MAP3K15: variants seen among roughly 807,000 people sequenced by gnomAD.
MAP3K15 encodes the protein MAPK/ERK kinase kinase 15.
MAP3K15 carries 124 observed loss-of-function variants against 99.5 expected under a neutral mutation model. That is an observed-to-expected ratio of 1.25 (90% CI 1.08 to 1.45). The LOEUF (loss-of-function observed/expected upper bound fraction) is 1.45. Among genes scored for constraint, MAP3K15 ranks in the 40% most tolerant of loss-of-function variants. The probability of loss-of-function intolerance (pLI) is 0.00; values close to 1 mark genes in which losing one functional copy is unlikely to be tolerated. For synonymous variants in MAP3K15, 494 were observed against 439.6 expected, an observed-to-expected ratio of 1.12 and a Z score of -1.55; for missense variants, 1,242 against 1,079.7, an observed-to-expected ratio of 1.15 and a Z score of -2.11.
intron 6 of MAP3K15, among the ~76,000 whole-genome samples, chrX:19,443,653 C>T (rs1024658440): frequency 2.7e-5 from 3 of 111,675 alleles, no homozygotes; most frequent in Non-Finnish European, 5.6e-5. Context: ...AATGAGGGAA[C>T]GAGTATTCTG....
chrX:19,444,507 G>T (rs981192357), intron 6 of MAP3K15, among the ~76,000 whole-genome samples: 1 of 111,126 alleles, frequency 9.0e-6, no homozygotes. Flanking sequence ...GCTCAATCAC[G>T]CATTAAAAAA....
intron 14 of MAP3K15, among the ~76,000 whole-genome samples, chrX:19,399,243 A>G (rs1458692219): frequency 2.7e-5 from 3 of 111,410 alleles, no homozygotes; most frequent in Non-Finnish European, 5.7e-5. Flanking sequence ...CATGGCCAAC[A>G]TAGCGAAACC....
intron 15 of MAP3K15, among the ~76,000 whole-genome samples, chrX:19,396,901 CTT>C (rs34707372): frequency 3.1e-4 from 31 of 99,595 alleles, no homozygotes; most frequent in African/African-American, 3.0e-4. Flanking sequence ...TAAATTTAAA[CTT>C]TTTTTTTTTT....
chrX:19,485,987 G>C (rs1487447681), intron 3 of MAP3K15, among the ~76,000 whole-genome samples: 1 of 111,857 alleles, frequency 8.9e-6, no homozygotes, highest in Non-Finnish European at 1.9e-5. Flanking sequence ...GCCAAATCAG[G>C]AGACTTCAGT....
chrX:19,432,767 G>A (rs189699947), intron 6 of MAP3K15, among the ~76,000 whole-genome samples: 1,187 of 105,974 alleles, frequency 0.011, 21 homozygotes, highest in African/African-American at 0.039. Flanking sequence ...CCAGGCTGGA[G>A]TGCAGTGGCA....
At chrX:19,460,769 T>A (rs190405358) in intron 4 of MAP3K15, among the ~76,000 whole-genome samples, 30 of 110,190 alleles carry the variant, frequency 2.7e-4, no homozygotes, top group African/African-American at 7.6e-4. Flanking sequence ...TTGTTTTTTT[T>A]TTTTTATTTT....
At chrX:19,450,768 G>C (rs1417738534) in intron 6 of MAP3K15, among the ~76,000 whole-genome samples, 2 of 109,026 alleles carry the variant, frequency 1.8e-5, no homozygotes, top group Middle Eastern at 9.8e-3. Context: ...AAGATATCAC[G>C]GGCTCAAGGA....
At chrX:19,512,642 CTTTTTT>C (rs896407684) in intron 1 of MAP3K15, among the ~76,000 whole-genome samples, 3 of 71,216 alleles carry the variant, frequency 4.2e-5, no homozygotes, top group East Asian at 3.7e-4. Context: ...CCACATCCTG[CTTTTTT>C]TTTTTTTTTT....
chrX:19,467,573 C>A (rs1452708560), intron 3 of MAP3K15, among the ~76,000 whole-genome samples: 1 of 109,943 alleles, frequency 9.1e-6, no homozygotes, highest in Non-Finnish European at 1.9e-5. Context: ...TAGAGACCAG[C>A]CTGGCCAACA....
chrX:19,393,359 G>A (rs1016923791), intron 16 of MAP3K15, among the ~76,000 whole-genome samples: 2 of 112,099 alleles, frequency 1.8e-5, no homozygotes, highest in African/African-American at 3.2e-5. Context: ...GGCCGGGCAC[G>A]GTGGCTCACG....
At chrX:19,430,306 T>C (rs1244499426) in intron 7 of MAP3K15, among the ~76,000 whole-genome samples, 1 of 111,580 alleles carries the variant, frequency 9.0e-6, no homozygotes, top group Non-Finnish European at 1.9e-5. Context: ...TCTACCAGGA[T>C]TAGAACCACA....
rs376904894 is a variant in MAP3K15 at position 19,363,387 on chromosome X, C to T, written c.3567-537G>A. 2.9e-3 allele frequency among the ~76,000 whole-genome samples: 326 copies of T among 112,328 alleles called. 2 individuals are homozygous for T. The highest frequency in any genetic ancestry group is 9.9e-3 in the African/African-American group (307 of 30,932). ...CGAGTCTCCAGAACTGTGAGAAACA[C>T]ATTTCTGTTGTTTATAAGCTGCCTG... is the stretch of plus-strand genomic sequence containing the variant. On this transcript the variant is annotated intron_variant, in intron 25 of 28. Coordinates refer to ENST00000338883, the MANE Select transcript of MAP3K15 (RefSeq NM_001001671.4).
At position 19,373,632 on chromosome X, in the gene MAP3K15, CT is replaced by C. The variant is rs750398253; in HGVS notation, c.2836del (p.Ser946AlafsTer110). 29 of 1,197,534 alleles carry C rather than the reference CT, an allele frequency of 2.4e-5. No homozygotes were observed. The highest frequency in any genetic ancestry group is 3.1e-5 in the Non-Finnish European group (28 of 891,079). On this transcript the variant is annotated frameshift_variant, in exon 21 of 29. Transcript: ENST00000338883. LOFTEE classifies it high-confidence loss of function. ...GTCTGGGGAGACAGAGCCGTGCTCG[CT>C]GCTGCTGGTGGCCATGGGCTCTCCC... Reference protein sequence around the residue: ...TQGEPMATSSSEHGSVSPDSD... With the variant: ...TQGEPMATSSXEHGSVSPDSD...
chrX:19,449,549 T>A lies in MAP3K15; in HGVS notation c.995+7364A>T, dbSNP rs1288930970. ...AGGTGCGGGGGGAGTGGTATTGGCA[T>A]CTAGTGGGTAAAGACGAGGGATGTT... On this transcript the variant is annotated intron_variant, in intron 6 of 28. Transcript: ENST00000338883. Among the ~76,000 whole-genome samples, 40 of 108,795 alleles carry A rather than the reference T, an allele frequency of 3.7e-4. 1 individual carries two copies. Among genetic ancestry groups the A allele is most frequent in the Non-Finnish European group, 7.8e-5 (4 of 51,555 alleles). The allele number at this position is 108,795 out of a possible 115,157, so 94.5% of individuals were successfully genotyped here. A position where few individuals can be genotyped will look rare whatever the true frequency, so the allele number is the denominator to read the frequency against.
chrX:19,423,851 A>G (rs1205514304), intron 9 of MAP3K15, among the ~76,000 whole-genome samples: 4 of 111,576 alleles, frequency 3.6e-5, no homozygotes, highest in African/African-American at 1.3e-4. Flanking sequence ...ACCTCTAGAG[A>G]GGTTGGAGCT....
rs144031211 is a variant in MAP3K15, at chrX:19,371,003, A to T, written c.3356T>A (p.Ile1119Asn). ...CGCGGCCTGCACCGCTCGGCGGATG[A>T]TGTTGTCCATCGCGAACATCCAGTG... ...RPHWMFAMDN[I>N]IRRAVQAAVT... The change falls in exon 24 of 29, where the codon ATC becomes AAC. Residue 1119 changes from isoleucine (I) to asparagine (N), a missense_variant. Transcript: ENST00000338883. 8.5e-7 allele frequency: 1 copy of T among 1,171,470 alleles called. No homozygotes were observed. Among genetic ancestry groups the T allele is most frequent in the African/African-American group, 1.8e-5 (1 of 54,579 alleles).
intron 2 of MAP3K15, among the ~76,000 whole-genome samples, chrX:19,488,511 G>A (rs932486814): frequency 1.3e-4 from 14 of 111,633 alleles, no homozygotes; most frequent in African/African-American, 4.2e-4. Flanking sequence ...TTATGTGTAG[G>A]TTTGGATCCA....
In MAP3K15 at chrX:19,387,386, T is replaced by C. The variant is rs1182338132; in HGVS notation, c.2431+4616A>G. ...GGGTTTATCTTTTATTTGTATTATTTATTTGATTGATTGACTGATTGACAG... is the reference window on the plus strand; with the variant it reads ...GGGTTTATCTTTTATTTGTATTATTCATTTGATTGATTGACTGATTGACAG... On this transcript the variant is annotated intron_variant, in intron 18 of 28. Coordinates refer to ENST00000338883, the MANE Select transcript of MAP3K15 (RefSeq NM_001001671.4). Among the ~76,000 whole-genome samples the C allele has an allele frequency of 3.6e-5, 4 of 111,805 alleles. No homozygotes were observed. In the East Asian group the frequency reaches 1.1e-3, roughly 32 times the overall value.
rs1488624942 is a variant in MAP3K15, at chrX:19,425,855, A to G, written c.1280-165T>C. On this transcript the variant is annotated intron_variant, in intron 8 of 28. Coordinates refer to ENST00000338883, the MANE Select transcript of MAP3K15 (RefSeq NM_001001671.4). ...TCTAGTAGTACGGGCACGGTGGCTCACGCCTGTAATCCCAGCACTTTGGGA... is the reference window on the plus strand; with the variant it reads ...TCTAGTAGTACGGGCACGGTGGCTCGCGCCTGTAATCCCAGCACTTTGGGA... Among the ~76,000 whole-genome samples, 4 of 112,239 alleles carry G rather than the reference A, an allele frequency of 3.6e-5. No individual in the cohort carries two copies. The Admixed American group carries it at 3.8e-4, about 11-fold the overall frequency.
Sources: allele counts gnomAD v4.1 joint callset (sites outside exome capture counted in the v4.1 genomes callset), GRCh38; gene constraint gnomAD v4.1.1; transcripts MANE v1.5; gene names NCBI Gene and HGNC (gene_info 2026-07-23, HGNC 2026-07-21).